TRPV3: variants seen among roughly 807,000 people sequenced by gnomAD.
TRPV3 encodes the protein transient receptor potential cation channel subfamily V member 3, also known as VRL-3.
TRPV3 carries 88 observed loss-of-function variants against 87.1 expected under a neutral mutation model. That is an observed-to-expected ratio of 1.01 (90% CI 0.85 to 1.21). TRPV3 has a LOEUF of 1.21. TRPV3 is among the 50% of genes most tolerant of loss of function. TRPV3 has a pLI of 0.00. For synonymous variants in TRPV3, 438 were observed against 423.3 expected (o/e 1.03, Z -0.43); for missense variants, 1,054 against 1,030.1 (o/e 1.02, Z -0.32).
chr17:3,528,548 C>T lies in TRPV3; in HGVS notation c.1401+289G>A, dbSNP rs1217034675. On this transcript the variant is annotated intron_variant, in intron 10 of 17. Transcript: ENST00000576742. The surrounding 1 kb of genome is among the most constrained non-coding windows in gnomAD (Gnocchi z 4.2). Reference sequence around the variant, plus strand: ...CCTGCAGCCCTCACAGCAGAAACACCCAGCTAGTTCTATATTTACAGACAG... The same window carrying T: ...CCTGCAGCCCTCACAGCAGAAACACTCAGCTAGTTCTATATTTACAGACAG... Among the ~76,000 whole-genome samples, 4 of 152,164 alleles carry T rather than the reference C, an allele frequency of 2.6e-5. No homozygotes were observed. The highest frequency in any genetic ancestry group is 7.2e-5 in the African/African-American group (3 of 41,448).
In TRPV3 at chr17:3,528,877, G is replaced by A. The variant is rs757925728; in HGVS notation, c.1361C>T (p.Thr454Ile). 1.9e-6 allele frequency: 3 copies of A among 1,614,232 alleles called. No homozygotes were observed. In the South Asian group the frequency reaches 3.3e-5, roughly 18 times the overall value. ...SFCFYFFYNI[T>I]LTLVSYYRPR... ...GCGGTAGTACGAGACGAGGGTCAGG[G>A]TGATGTTGTAGAAGAAATAAAAGCA... Residue 454 changes from threonine (T) to isoleucine (I), a missense_variant, in exon 10 of 18, where the codon ACC becomes ATC. By Grantham distance (89) the Thr-to-Ile change is moderately conservative. Coordinates refer to ENST00000576742, the MANE Select transcript of TRPV3 (RefSeq NM_145068.4). This position sits in a 1 kb window ranked among gnomAD's most constrained non-coding sequence, Gnocchi z 4.2.
At chr17:3,524,047 T>C in intron 13 of TRPV3, 151 bp downstream of exon 13, 1 of 1,061,662 alleles carries the variant, frequency 9.4e-7, no homozygotes, top group Non-Finnish European at 1.4e-6. Context: ...ACTTAAAGCC[T>C]GGCCGAAAGC....
intron 3 of TRPV3, 142 bp from the exon 4 acceptor site, chr17:3,544,807 G>A (rs903098955): frequency 1.5e-5 from 10 of 647,062 alleles, no homozygotes; most frequent in Admixed American, 5.9e-5. Context: ...GACCAGCCTG[G>A]CCAACATGGT....
At chr17:3,529,995 C>T in intron 9 of TRPV3, 32 bp downstream of exon 9, 1 of 1,594,286 alleles carries the variant, frequency 6.3e-7, no homozygotes, top group Non-Finnish European at 8.6e-7. Context: ...CCCTCTTCTC[C>T]CTGCCCTTCC....
At chr17:3,554,489 G>A (rs2074607725) in intron 2 of TRPV3, 2 of 374,868 alleles carry the variant, frequency 5.3e-6, no homozygotes, top group East Asian at 3.9e-5. Flanking sequence ...CAGCACCCCC[G>A]ATCCCTCCAA....
In TRPV3 at chr17:3,518,859, A is replaced by G. The variant is rs376491917; in HGVS notation, c.1811-9T>C. On this transcript the variant is annotated splice_polypyrimidine_tract_variant and intron_variant, in intron 14 of 17. Coordinates refer to ENST00000576742, the MANE Select transcript of TRPV3 (RefSeq NM_145068.4). The surrounding 1 kb of genome is among the most constrained non-coding windows in gnomAD (Gnocchi z 4.3). ...GATCAGCGAGGCCAAGGCTAAGGGA[A>G]CATAACAGGGTGCTCTCCTCAGCTC... 5.0e-6 allele frequency: 8 copies of G among 1,610,596 alleles called. No homozygotes were observed. Among genetic ancestry groups the G allele is most frequent in the Non-Finnish European group, 6.8e-6 (8 of 1,177,838 alleles).
chr17:3,551,740 C>T (rs1471042030), intron 2 of TRPV3, among the ~76,000 whole-genome samples: 2 of 152,052 alleles, frequency 1.3e-5, no homozygotes, highest in South Asian at 2.1e-4. Context: ...GGGAATGGCA[C>T]GATGGTTCAG....
At chr17:3,541,254 G>A (rs2074457118) in intron 6 of TRPV3, among the ~76,000 whole-genome samples, 1 of 152,206 alleles carries the variant, frequency 6.6e-6, no homozygotes, top group Non-Finnish European at 1.5e-5. Flanking sequence ...TGTAATCCCA[G>A]TTACTTGGGA....
Position 3,524,240 on chromosome 17 carries a change from C to G in TRPV3, c.1701G>C (p.Arg567=). 6.2e-7 allele frequency: 1 copy of G among 1,614,252 alleles called. No individual in the cohort carries two copies. Residue 567 remains arginine (R), a synonymous_variant, in exon 13 of 18, where the codon CGG becomes CGC. Coordinates refer to ENST00000576742, the MANE Select transcript of TRPV3 (RefSeq NM_145068.4). The stretch of plus-strand genomic sequence containing the variant: ...TGTACATGCCCATGGACTGGAAACC[C>G]CGCGTATAGTAGAGCATGTTCGCCC... ...LGWANMLYYT[R]GFQSMGMYSV... is the part of the protein sequence containing the mutation.
At position 3,510,776 on chromosome 17, in the gene TRPV3, T is replaced by A. The variant is rs530906089; in HGVS notation, c.*3141A>T. 1 of 152,182 alleles carries A rather than the reference T, an allele frequency of 6.6e-6. No individual in the cohort carries two copies. Among genetic ancestry groups the A allele is most frequent in the Non-Finnish European group, 1.5e-5 (1 of 68,028 alleles). The allele number at this position is 152,182 out of a possible 1,614,324, so 9.4% of individuals were successfully genotyped here. ...GCTTACAGGCCCGGATGACGGCCCA[T>A]CTACCTGGGCCCTGCCCAGAGCGAA... On this transcript the variant is annotated 3_prime_UTR_variant, in exon 18 of 18. Coordinates refer to ENST00000576742, the MANE Select transcript of TRPV3 (RefSeq NM_145068.4).
At chr17:3,534,953 G>T (rs1163096263) in intron 7 of TRPV3, among the ~76,000 whole-genome samples, 1 of 152,016 alleles carries the variant, frequency 6.6e-6, no homozygotes, top group African/African-American at 2.4e-5. Flanking sequence ...ACCACCAGGT[G>T]ACACCACCGG....
chr17:3,545,204 C>T lies in TRPV3; in HGVS notation c.187G>A (p.Val63Ile), dbSNP rs1183960602. ...NPTVAKTSPP[V>I]FSKPMDSNIR... ...TTGGAATCCATGGGCTTGGAGAAGA[C>T]AGGAGGAGAGGTCTTGGCAACTGTG... is the stretch of plus-strand genomic sequence containing the variant. Residue 63 changes from valine to isoleucine, a missense_variant, in exon 3 of 18, where the codon GTC becomes ATC. Physicochemically the swap from Val to Ile is conservative, Grantham distance 29 (BLOSUM62 3). Transcript: ENST00000576742. 15 of 1,613,788 alleles carry T rather than the reference C, an allele frequency of 9.3e-6. No homozygotes were observed. The highest frequency in any genetic ancestry group is 1.3e-5 in the African/African-American group (1 of 74,934).
In TRPV3 at chr17:3,518,892, G is replaced by C; in HGVS notation, c.1811-42C>G. 6.3e-7 allele frequency: 1 copy of C among 1,582,954 alleles called. No individual in the cohort carries two copies. The highest frequency in any genetic ancestry group is 8.6e-7 in the Non-Finnish European group (1 of 1,163,730). The stretch of plus-strand genomic sequence containing the variant: ...GGGTGCTCTCCTCAGCTCTCTGCCT[G>C]GTAATTACTCTACAAGCTTGCGTGT... On this transcript the variant is annotated intron_variant, in intron 14 of 17. Coordinates refer to ENST00000576742, the MANE Select transcript of TRPV3 (RefSeq NM_145068.4). The surrounding 1 kb of genome is among the most constrained non-coding windows in gnomAD (Gnocchi z 4.3).
chr17:3,541,277 A>C (rs972877050), intron 6 of TRPV3, among the ~76,000 whole-genome samples: 18 of 152,232 alleles, frequency 1.2e-4, no homozygotes, highest in African/African-American at 4.1e-4. Flanking sequence ...CTGAGGCAGG[A>C]GAATCGCTTG....
At position 3,528,969 on chromosome 17, in the gene TRPV3, C is replaced by T; in HGVS notation, c.1269G>A (p.Glu423=). The change falls in exon 10 of 18, where the codon GAG becomes GAA. Residue 423 remains glutamate (E), a synonymous_variant. Coordinates refer to ENST00000576742, the MANE Select transcript of TRPV3 (RefSeq NM_145068.4). The surrounding 1 kb of genome is among the most constrained non-coding windows in gnomAD (Gnocchi z 4.2). ...TCATATGCAGCAGCGTGTGCAGCGG[C>T]TCCAGGGTCAGCATCTCATGCCGGT... The part of the protein sequence containing the change: ...IDNRHEMLTL[E]PLHTLLHMKW... 1 of 1,614,208 alleles carries T rather than the reference C, an allele frequency of 6.2e-7. No individual in the cohort carries two copies. The highest frequency in any genetic ancestry group is 8.5e-7 in the Non-Finnish European group (1 of 1,180,030).
chr17:3,514,545 A>G (rs752223124), intron 17 of TRPV3, 48 bp downstream of exon 17: 3 of 1,393,318 alleles, frequency 2.2e-6, no homozygotes, highest in Non-Finnish European at 3.1e-6. Flanking sequence ...CCAAGGTTAC[A>G]TGGTCTGAGA....
intron 2 of TRPV3, 21 bp from the exon 3 acceptor site, chr17:3,545,292 C>T: frequency 6.3e-7 from 1 of 1,575,058 alleles, no homozygotes; most frequent in Non-Finnish European, 8.7e-7. Flanking sequence ...ACGGAGGAAG[C>T]CTGTTAGGGC....
chr17:3,546,563 T>C, intron 2 of TRPV3: 1 of 438,326 alleles, frequency 2.3e-6, no homozygotes, highest in South Asian at 1.7e-5. Flanking sequence ...GTAGTGTCAA[T>C]TAGCTGCTAA....
At chr17:3,533,072 G>C in intron 7 of TRPV3, 135 bp from the exon 8 acceptor site, 5 of 1,000,912 alleles carry the variant, frequency 5.0e-6, no homozygotes, top group Non-Finnish European at 5.8e-6. Context: ...CCCATCTTCC[G>C]CTTCTACGGG....
Sources: gnomAD v4.1 joint callset for allele counts (sites outside exome capture counted in the v4.1 genomes callset) on GRCh38, gnomAD v4.1.1 for gene constraint, Gnocchi (gnomAD v3.1) non-coding constraint, MANE v1.5 for transcripts, NCBI Gene and HGNC (gene_info 2026-07-23, HGNC 2026-07-21) for gene names.